Variants in SMYD3 observed in about 807,000 individuals in gnomAD.
The protein encoded by SMYD3 is SET and MYND domain containing 3.
Under a neutral mutation model 57.7 loss-of-function variants are expected in SMYD3, and 36 were observed. That is an observed-to-expected ratio of 0.62 (90% CI 0.48 to 0.82). The LOEUF is 0.82. Among genes scored for constraint, SMYD3 ranks in the 40% least tolerant of loss-of-function variants. The pLI, the probability that SMYD3 is intolerant of heterozygous loss-of-function variation, is 0.00. For missense variants in SMYD3, 515 were observed against 538.8 expected (o/e 0.96, Z 0.44); for synonymous variants, 211 against 195.0 (o/e 1.08, Z -0.68).
intron 1 of SMYD3, among the ~76,000 whole-genome samples, chr1:246,434,699 G>A (rs1180466880): frequency 6.6e-6 from 1 of 152,214 alleles, no homozygotes; most frequent in African/African-American, 2.4e-5. Flanking sequence ...CTGTTAGTGG[G>A]AATGTAACCT....
chr1:245,784,729 G>A (rs556185609), intron 10 of SMYD3, among the ~76,000 whole-genome samples: 2 of 152,230 alleles, frequency 1.3e-5, no homozygotes, highest in South Asian at 4.1e-4. Flanking sequence ...GAAGCTGCAG[G>A]GGTTCATCCA....
chr1:246,124,976 G>A (rs1028762890), intron 5 of SMYD3, among the ~76,000 whole-genome samples: 2 of 151,832 alleles, frequency 1.3e-5, no homozygotes, highest in Non-Finnish European at 2.9e-5. Context: ...GAAGGCTGAG[G>A]CAGGAGAATG....
At chr1:245,964,796 T>TAA (rs557500237) in intron 5 of SMYD3, among the ~76,000 whole-genome samples, 41 of 131,378 alleles carry the variant, frequency 3.1e-4, no homozygotes, top group East Asian at 8.5e-4. Context: ...ACAAAGATTG[T>TAA]AAAAAAAAAA....
At chr1:245,771,018 G>A (rs2046309762) in intron 10 of SMYD3, among the ~76,000 whole-genome samples, 1 of 151,794 alleles carries the variant, frequency 6.6e-6, no homozygotes, top group South Asian at 2.1e-4. Context: ...TGAGAGAAAG[G>A]AGAGAATGGG....
intron 10 of SMYD3, among the ~76,000 whole-genome samples, chr1:245,832,687 G>A (rs2049903777): frequency 6.6e-6 from 1 of 152,054 alleles, no homozygotes; most frequent in Admixed American, 6.6e-5. Flanking sequence ...ACCATTAGAA[G>A]TTATATGGAA....
chr1:246,496,417 A>G (rs1269182528), intron 1 of SMYD3, among the ~76,000 whole-genome samples: 2 of 152,174 alleles, frequency 1.3e-5, no homozygotes, highest in African/African-American at 4.8e-5. Context: ...TGCCCAGTCT[A>G]TCAATCTATC....
intron 5 of SMYD3, among the ~76,000 whole-genome samples, chr1:246,106,033 T>C (rs1375628507): frequency 2.6e-5 from 4 of 152,238 alleles, no homozygotes; most frequent in African/African-American, 9.6e-5. Context: ...CCCTATTCAG[T>C]TGACTTAGCT....
chr1:246,064,267 T>C (rs536561493), intron 5 of SMYD3, among the ~76,000 whole-genome samples: 1 of 152,340 alleles, frequency 6.6e-6, no homozygotes, highest in African/African-American at 2.4e-5. Flanking sequence ...CTCCCGAGCA[T>C]AGTGGAAAAC....
chr1:246,346,221 T>C (rs2065712782), intron 2 of SMYD3, among the ~76,000 whole-genome samples: 1 of 151,998 alleles, frequency 6.6e-6, no homozygotes, highest in Non-Finnish European at 1.5e-5. Context: ...GAGGCGGAGC[T>C]TGCAGTGAGC....
intron 5 of SMYD3, among the ~76,000 whole-genome samples, chr1:246,062,814 G>A (rs2060276135): frequency 6.6e-6 from 1 of 152,024 alleles, no homozygotes; most frequent in Admixed American, 6.5e-5. Flanking sequence ...ATTAATTAAT[G>A]AGCGAAGGTA....
chr1:246,245,120 C>CTTTTTTTTTTTTTTTTTTTTTTTT (rs74163421), intron 5 of SMYD3, among the ~76,000 whole-genome samples: 2 of 122,944 alleles, frequency 1.6e-5, no homozygotes, highest in African/African-American at 6.1e-5. Flanking sequence ...CAGCTACTGC[C>CTTTTTTTTTTTTTTTTTTTTTTTT]TTTTTTTTTT....
At chr1:246,359,727 A>G (rs2065959650) in intron 1 of SMYD3, among the ~76,000 whole-genome samples, 1 of 152,224 alleles carries the variant, frequency 6.6e-6, no homozygotes, top group Non-Finnish European at 1.5e-5. Context: ...TCATCTCAAT[A>G]GATGCAGAAA....
At chr1:246,148,782 C>T (rs571749476) in intron 5 of SMYD3, among the ~76,000 whole-genome samples, 7 of 152,214 alleles carry the variant, frequency 4.6e-5, no homozygotes, top group Admixed American at 1.3e-4. Flanking sequence ...TCCTAACCCC[C>T]TCCCCAACAT....
chr1:245,867,384 A>C (rs1180088995), intron 8 of SMYD3, among the ~76,000 whole-genome samples: 1 of 152,226 alleles, frequency 6.6e-6, no homozygotes, highest in African/African-American at 2.4e-5. Context: ...TGCTATATTT[A>C]TGATCAATTG....
At chr1:246,446,538 T>C (rs2067553512) in intron 1 of SMYD3, among the ~76,000 whole-genome samples, 1 of 152,218 alleles carries the variant, frequency 6.6e-6, no homozygotes, top group South Asian at 2.1e-4. Context: ...GCTGTTTTTC[T>C]AAACCCATTT....
At chr1:246,182,264 G>A (rs530730371) in intron 5 of SMYD3, among the ~76,000 whole-genome samples, 39 of 151,910 alleles carry the variant, frequency 2.6e-4, no homozygotes, top group Admixed American at 6.6e-4. Flanking sequence ...ACCCCTCCTC[G>A]CCATCTCCCT....
intron 2 of SMYD3, among the ~76,000 whole-genome samples, chr1:246,339,254 C>A (rs2065593025): frequency 6.6e-6 from 1 of 152,186 alleles, no homozygotes; most frequent in African/African-American, 2.4e-5. Flanking sequence ...TCCCTTCTCA[C>A]AGTGACTCTA....
intron 4 of SMYD3, among the ~76,000 whole-genome samples, chr1:246,328,685 A>AT (rs895135605): frequency 3.4e-5 from 5 of 147,110 alleles, no homozygotes; most frequent in Non-Finnish European, 7.5e-5. Context: ...TATTTTATTT[A>AT]TTTTTTCTTT....
intron 5 of SMYD3, among the ~76,000 whole-genome samples, chr1:245,973,474 TC>T (rs1391967890): frequency 6.6e-6 from 1 of 152,172 alleles, no homozygotes; most frequent in African/African-American, 2.4e-5. Context: ...AGCCTCACCC[TC>T]AACTTTCACA....
Sources: gnomAD v4.1 joint callset for allele counts (sites outside exome capture counted in the v4.1 genomes callset) on GRCh38, gnomAD v4.1.1 for gene constraint, MANE v1.5 for transcripts, NCBI Gene and HGNC (gene_info 2026-07-23, HGNC 2026-07-21) for gene names.